Variants in ARID1A observed in about 807,000 individuals in gnomAD.
ARID1A encodes the protein AT-rich interaction domain 1A.
In ARID1A, 20 loss-of-function variants were observed where a neutral mutation model predicts 212.6. That is an observed-to-expected ratio of 0.09 (90% confidence interval 0.07 to 0.14). ARID1A has a LOEUF of 0.14. Among genes scored for constraint, ARID1A ranks in the 10% least tolerant of loss-of-function variants. The probability of loss-of-function intolerance (pLI) is 1.00; values close to 1 mark genes in which losing one functional copy is unlikely to be tolerated. For synonymous variants in ARID1A, 1,376 were observed against 1,222.1 expected (o/e 1.13, Z -2.63); for missense variants, 2,587 against 3,059.0 (o/e 0.85, Z 3.64).
intron 1 of ARID1A, among the ~76,000 whole-genome samples, chr1:26,701,308 T>G (rs1251108712): frequency 6.6e-6 from 1 of 152,222 alleles, no homozygotes; most frequent in Non-Finnish European, 1.5e-5. Flanking sequence ...CGAGTAGTTC[T>G]TTTCTGCCAG....
chr1:26,728,598 A>T (rs1224389071), intron 1 of ARID1A, among the ~76,000 whole-genome samples: 4 of 152,164 alleles, frequency 2.6e-5, no homozygotes, highest in African/African-American at 9.7e-5. Flanking sequence ...TCAATGAACC[A>T]CTGAACTCCT....
chr1:26,760,870 A>G lies in ARID1A; in HGVS notation c.1935A>G (p.Ser645=), dbSNP rs759293517. ...ATATGTTCTAGGATCTATCTGGTTC[A>G]ATAGATGACCTCCCCATGGGGACAG... ...RPSSLPDLSG[S]IDDLPMGTEG... The change falls in exon 5 of 20, where the codon TCA becomes TCG. Residue 645 remains serine (S), a synonymous_variant. Transcript: ENST00000324856. 1.0e-4 allele frequency: 162 copies of G among 1,612,672 alleles called. No individual in the cohort carries two copies. Among genetic ancestry groups the G allele is most frequent in the Non-Finnish European group, 1.3e-4 (155 of 1,178,952 alleles).
rs780567016 is a variant in ARID1A at position 26,775,177 on chromosome 1, G to T, written c.4950G>T (p.Gln1650His). Residue 1650 changes from glutamine (Q) to histidine (H), a missense_variant, in exon 18 of 20, where the codon CAG becomes CAT. Transcript: ENST00000324856. ...TFPPGSVEAT[Q>H]PVLKQRRRLT... ...CACCTGGCTCTGTTGAAGCCACACA[G>T]CCTGTGTTGAAGCAGAGGAGGCGGC... is the stretch of plus-strand genomic sequence containing the variant. The T allele has an allele frequency of 1.9e-6, 3 of 1,606,800 alleles. No individual in the cohort carries two copies. The highest frequency in any genetic ancestry group is 2.5e-6 in the Non-Finnish European group (3 of 1,177,558).
rs758767486 is a variant in ARID1A at position 26,774,401 on chromosome 1, C to T, written c.4174C>T (p.Pro1392Ser). The change falls in exon 18 of 20, where the codon CCA becomes TCA. Residue 1392 changes from proline to serine, a missense_variant. Pro to Ser is a moderately conservative substitution (Grantham distance 74, BLOSUM62 -1). Coordinates refer to ENST00000324856, the MANE Select transcript of ARID1A (RefSeq NM_006015.6). The surrounding 1 kb of genome is among the most constrained non-coding windows in gnomAD (Gnocchi z 5.6). ...KRHEGEMYSV[P>S]YSTGQGQPQQ... ...GCACGAAGGGGAGATGTACAGCGTG[C>T]CATACAGCACTGGGCAGGGGCAGCC... The T allele has an allele frequency of 1.4e-5, 23 of 1,604,800 alleles. 1 individual carries two copies. The highest frequency in any genetic ancestry group is 2.0e-5 in the Non-Finnish European group (23 of 1,174,124).
At chr1:26,773,307 A>G (rs769757475) in intron 14 of ARID1A, 39 bp from the exon 15 acceptor site, 221 of 1,534,224 alleles carry the variant, frequency 1.4e-4, no homozygotes, top group Non-Finnish European at 1.8e-4. Flanking sequence ...AGGCTTGTCA[A>G]CTTACCAGTT....
intron 5 of ARID1A, 102 bp downstream of exon 5, chr1:26,761,198 A>G (rs2080988980): frequency 6.6e-7 from 1 of 1,519,222 alleles, no homozygotes; most frequent in Non-Finnish European, 8.9e-7. Context: ...TCTCTGGCTC[A>G]TGCCTGCATA....
Position 26,781,533 on chromosome 1 carries a change from T to G in ARID1A, c.*777T>G. On this transcript the variant is annotated 3_prime_UTR_variant, in exon 20 of 20. Coordinates refer to ENST00000324856, the MANE Select transcript of ARID1A (RefSeq NM_006015.6). ...CACCCTGACCTCTTTCTCTCCTCCT[T>G]GATTGTATGAATAACCCTGAGATCA... The G allele has an allele frequency of 1.3e-5, 3 of 233,438 alleles. No individual in the cohort carries two copies. Among genetic ancestry groups the G allele is most frequent in the Non-Finnish European group, 2.5e-5 (3 of 117,978 alleles). 14.5% of individuals were successfully genotyped at this position (233,438 alleles called of 1,614,324 possible).
chr1:26,717,960 TTTG>T (rs1301805157), intron 1 of ARID1A, among the ~76,000 whole-genome samples: 4 of 152,028 alleles, frequency 2.6e-5, no homozygotes, highest in East Asian at 1.9e-4. Flanking sequence ...TTTGTTTGTT[TTTG>T]TTGTTATTTA....
At chr1:26,778,981 A>C in intron 19 of ARID1A, 42 bp from the exon 20 acceptor site, 6 of 1,493,292 alleles carry the variant, frequency 4.0e-6, no homozygotes, top group Non-Finnish European at 5.4e-6. Context: ...TTCTTAGGCC[A>C]CTTTTCTCCC....
At chr1:26,753,280 TGTGAA>T (rs2080900336) in intron 4 of ARID1A, 1 of 152,240 alleles carries the variant, frequency 6.6e-6, no homozygotes, top group African/African-American at 2.4e-5. Flanking sequence ...TTTGTTGTGG[TGTGAA>T]GAGAAGGTGT....
chr1:26,731,001 C>A (rs2124787381), intron 2 of ARID1A, 151 bp from the exon 3 acceptor site: 1 of 867,330 alleles, frequency 1.2e-6, no homozygotes, highest in South Asian at 1.7e-5. Flanking sequence ...TCAGTTTAGG[C>A]AGGGTGAGAG....
intron 4 of ARID1A, among the ~76,000 whole-genome samples, chr1:26,757,672 T>A (rs1376634332): frequency 2.0e-5 from 3 of 150,010 alleles, no homozygotes; most frequent in Non-Finnish European, 4.5e-5. Flanking sequence ...AATCAAAACT[T>A]TTTTTTTTTT....
chr1:26,696,182 G>A lies in ARID1A; in HGVS notation c.-222G>A. 2 of 597,946 alleles carry A rather than the reference G, an allele frequency of 3.3e-6. No individual in the cohort carries two copies. Among genetic ancestry groups the A allele is most frequent in the Non-Finnish European group, 4.6e-6 (2 of 438,432 alleles). The allele number at this position is 597,946 out of a possible 1,614,324, so 37.0% of individuals were successfully genotyped here. ...GAGCAGCTGAGCCGCCGGCGCCTCG[G>A]CCGCCGCCGCCGCCTCCTCCTCCTC... On this transcript the variant is annotated 5_prime_UTR_variant, in exon 1 of 20. Coordinates refer to ENST00000324856, the MANE Select transcript of ARID1A (RefSeq NM_006015.6).
At chr1:26,760,604 G>A (rs1000392943) in intron 4 of ARID1A, among the ~76,000 whole-genome samples, 1 of 152,014 alleles carries the variant, frequency 6.6e-6, no homozygotes, top group African/African-American at 2.4e-5. Flanking sequence ...CAGGAGAATT[G>A]CTTGAACCCA....
chr1:26,776,055 T>C (rs1215303826), intron 19 of ARID1A: 3 of 375,002 alleles, frequency 8.0e-6, no homozygotes, highest in African/African-American at 4.2e-5. Context: ...TCTCACTATG[T>C]TGCCGAGGTT....
At chr1:26,710,527 A>ACACACACACTCACC (rs915474721) in intron 1 of ARID1A, among the ~76,000 whole-genome samples, 1 of 150,380 alleles carries the variant, frequency 6.6e-6, no homozygotes, top group African/African-American at 2.5e-5. Flanking sequence ...ACACACACAC[A>ACACACACACTCACC]CCACTTGTTG....
Position 26,767,815 on chromosome 1 carries a change from A to G in ARID1A, c.3014A>G (p.Asn1005Ser), listed in dbSNP as rs776927342. Reference protein sequence around the residue: ...SKKSSSSTTTNEKITKLYELG... With the variant: ...SKKSSSSTTTSEKITKLYELG... The stretch of plus-strand genomic sequence containing the variant: ...AAATCCAGTTCTTCTACTACAACCA[A>G]TGAGAAGATCACCAAGTTGTATGAG... Residue 1005 changes from asparagine (N) to serine (S), a missense_variant, in exon 11 of 20, where the codon AAT (asparagine) becomes AGT (serine). Coordinates refer to ENST00000324856, the MANE Select transcript of ARID1A (RefSeq NM_006015.6). 8 of 1,613,854 alleles carry G rather than the reference A, an allele frequency of 5.0e-6. No homozygotes were observed. The highest frequency in any genetic ancestry group is 6.8e-6 in the Non-Finnish European group (8 of 1,179,908).
intron 10 of ARID1A, among the ~76,000 whole-genome samples, chr1:26,767,566 C>T (rs1305333235): frequency 1.3e-5 from 2 of 152,190 alleles, no homozygotes; most frequent in Non-Finnish European, 2.9e-5. Context: ...GCATCTAGCA[C>T]AGCACCCAGT....
chr1:26,709,906 A>G (rs2080433885), intron 1 of ARID1A, among the ~76,000 whole-genome samples: 1 of 150,526 alleles, frequency 6.6e-6, no homozygotes, highest in Non-Finnish European at 1.5e-5. Context: ...GATCTAGCTC[A>G]CTGCAACCTC....
Sources: gnomAD v4.1 joint callset for allele counts (sites outside exome capture counted in the v4.1 genomes callset) on GRCh38, gnomAD v4.1.1 for gene constraint, Gnocchi (gnomAD v3.1) non-coding constraint, MANE v1.5 for transcripts, NCBI Gene and HGNC (gene_info 2026-07-23, HGNC 2026-07-21) for gene names.